Variants in DCAF1 observed in about 807,000 individuals in gnomAD.
The protein encoded by DCAF1 is DDB1 and CUL4 associated factor 1, also known as DDB1- and CUL4-associated factor 1.
A neutral mutation model predicts 128.0 loss-of-function variants in DCAF1; 15 were observed. The ratio of observed to expected loss-of-function variants is 0.12; its 90% CI spans 0.08 to 0.18. The LOEUF (loss-of-function observed/expected upper bound fraction) is 0.18, where lower values mean the gene tolerates loss of function less well. DCAF1 is among the 10% of genes least tolerant of loss of function. DCAF1 has a pLI of 1.00. For synonymous variants in DCAF1, 610 were observed against 603.0 expected, an observed-to-expected ratio of 1.01 and a Z score of -0.17; for missense variants, 988 against 1,649.5, an observed-to-expected ratio of 0.60 and a Z score of 6.95.
intron 6 of DCAF1, among the ~76,000 whole-genome samples, chr3:51,447,950 TA>T (rs200436001): frequency 1.5e-3 from 211 of 145,396 alleles, no homozygotes; most frequent in South Asian, 7.6e-3. Context: ...CTGACTCAAT[TA>T]AAAAAAAAAA....
At chr3:51,449,643 T>TTA (rs1161475187) in intron 6 of DCAF1, among the ~76,000 whole-genome samples, 8 of 151,554 alleles carry the variant, frequency 5.3e-5, no homozygotes, top group Non-Finnish European at 1.2e-4. Context: ...GCAAAAGAAA[T>TTA]AATAAAGATT....
intron 7 of DCAF1, among the ~76,000 whole-genome samples, 153 bp downstream of exon 7, chr3:51,443,613 A>G (rs782155894): frequency 8.5e-5 from 13 of 152,152 alleles, no homozygotes; most frequent in Non-Finnish European, 1.2e-4. Context: ...GCTATTTTCA[A>G]TTTTTAAAAA....
At chr3:51,415,349 G>T (rs1553629995) in intron 18 of DCAF1, among the ~76,000 whole-genome samples, 1 of 151,992 alleles carries the variant, frequency 6.6e-6, no homozygotes, top group African/African-American at 2.4e-5. Flanking sequence ...AAAAAAATTA[G>T]CCAGGTGTGA....
At chr3:51,410,767 C>A (rs1698330818) in intron 23 of DCAF1, among the ~76,000 whole-genome samples, 1 of 152,228 alleles carries the variant, frequency 6.6e-6, no homozygotes, top group East Asian at 1.9e-4. Context: ...AGGATGAGGG[C>A]AAGAGAGCTG....
At chr3:51,469,099 C>T (rs915750221) in intron 4 of DCAF1, among the ~76,000 whole-genome samples, 7 of 152,080 alleles carry the variant, frequency 4.6e-5, no homozygotes, top group Admixed American at 4.6e-4. Context: ...ATTTGAAATG[C>T]CTAGCTTACA....
chr3:51,505,040 T>A, the DCAF1 span, among the ~76,000 whole-genome samples: 7 of 152,074 alleles, frequency 4.6e-5, no homozygotes, highest in African/African-American at 1.7e-4. Context: ...GGCAGGTGGA[T>A]CACCTGAGGT....
At chr3:51,417,737 G>T (rs1405745969) in intron 17 of DCAF1, among the ~76,000 whole-genome samples, 8 of 79,496 alleles carry the variant, frequency 1.0e-4, no homozygotes, top group African/African-American at 1.9e-4. Flanking sequence ...ATAAAAAAAA[G>T]AAAAAAAAAA....
intron 6 of DCAF1, among the ~76,000 whole-genome samples, chr3:51,461,369 G>A (rs1171182863): frequency 2.0e-5 from 3 of 152,160 alleles, no homozygotes; most frequent in Non-Finnish European, 4.4e-5. Flanking sequence ...GAGATACCAT[G>A]TCACACCAGT....
intron 9 of DCAF1, chr3:51,438,218 T>C: frequency 3.1e-6 from 1 of 319,044 alleles, no homozygotes; most frequent in Non-Finnish European, 6.0e-6. Flanking sequence ...ATTTCCATGG[T>C]TCAAGAAACA....
intron 2 of DCAF1, among the ~76,000 whole-genome samples, chr3:51,492,442 G>C (rs1488854940): frequency 2.0e-5 from 3 of 151,820 alleles, no homozygotes; most frequent in African/African-American, 4.8e-5. Flanking sequence ...TGAACTCGGA[G>C]GGGACGGAGG....
chr3:51,461,461 G>C (rs1703558894), intron 6 of DCAF1, among the ~76,000 whole-genome samples: 2 of 152,148 alleles, frequency 1.3e-5, no homozygotes, highest in South Asian at 2.1e-4. Flanking sequence ...TACACTGTTG[G>C]TGGGACTGTA....
intron 3 of DCAF1, among the ~76,000 whole-genome samples, chr3:51,483,035 A>C (rs1304655527): frequency 6.7e-6 from 1 of 150,140 alleles, no homozygotes; most frequent in Non-Finnish European, 1.5e-5. Context: ...GCTACTCAGG[A>C]GGCTGAAGCA....
chr3:51,453,374 T>C (rs1416737515), intron 6 of DCAF1, among the ~76,000 whole-genome samples: 1 of 152,038 alleles, frequency 6.6e-6, no homozygotes, highest in African/African-American at 2.4e-5. Context: ...ATTCCTATAA[T>C]CCCAGCACTT....
chr3:51,421,508 C>T (rs1164857756), intron 14 of DCAF1, among the ~76,000 whole-genome samples: 1 of 152,194 alleles, frequency 6.6e-6, no homozygotes, highest in African/African-American at 2.4e-5. Context: ...CCACCCGCCT[C>T]GGCCTCCCAA....
intron 18 of DCAF1, among the ~76,000 whole-genome samples, chr3:51,415,267 T>C (rs1698775455): frequency 6.6e-6 from 1 of 150,684 alleles, no homozygotes; most frequent in East Asian, 2.0e-4. Flanking sequence ...CCAAGAAAAG[T>C]GGATCACTTG....
chr3:51,455,891 C>CT (rs1702847959), intron 6 of DCAF1, among the ~76,000 whole-genome samples: 1 of 151,712 alleles, frequency 6.6e-6, no homozygotes, highest in Admixed American at 6.6e-5. Context: ...GAGCAAGACT[C>CT]TGTCTCAAAA....
At chr3:51,406,626 CCTTTACAGAAAATAGGTCAA>C (rs1553626732) in intron 23 of DCAF1, among the ~76,000 whole-genome samples, 1 of 152,148 alleles carries the variant, frequency 6.6e-6, no homozygotes, top group East Asian at 1.9e-4. Flanking sequence ...TCACCCCTTT[CCTTTACAGAAAATAGGTCAA>C]CTGGCATAAG....
In DCAF1 at chr3:51,431,145, C is replaced by T. The variant is rs186841063; in HGVS notation, c.1288-933G>A. 1.1e-4 allele frequency among the ~76,000 whole-genome samples: 17 copies of T among 152,070 alleles called. No homozygotes were observed. The East Asian group carries it at 1.2e-3, about 10-fold the overall frequency. On this transcript the variant is annotated intron_variant, in intron 10 of 24. Coordinates refer to ENST00000684031, the MANE Select transcript of DCAF1 (RefSeq NM_001387579.1). ...TCATGCCACTGGACTCCAGCATAGG[C>T]GACAGAGCCAGACCCTGCCTCAAAA...
intron 6 of DCAF1, among the ~76,000 whole-genome samples, chr3:51,459,075 G>A (rs1703249133): frequency 6.6e-6 from 1 of 152,072 alleles, no homozygotes; most frequent in Non-Finnish European, 1.5e-5. Flanking sequence ...CAGAACTGAA[G>A]GAAATAGAGA....
Sources: gnomAD v4.1 joint callset for allele counts (sites outside exome capture counted in the v4.1 genomes callset) on GRCh38, gnomAD v4.1.1 for gene constraint, MANE v1.5 for transcripts, NCBI Gene and HGNC (gene_info 2026-07-23, HGNC 2026-07-21) for gene names.